DENND4A: variants seen among roughly 807,000 people sequenced by gnomAD.
DENND4A encodes the protein DENN domain containing 4A, also known as C-myc promoter-binding protein.
In DENND4A, 70 loss-of-function variants were observed where a neutral mutation model predicts 199.3. The observed-to-expected ratio is 0.35, with a 90% CI of 0.29 to 0.43. The LOEUF is 0.43. Ranked by LOEUF, DENND4A falls within the 20% of genes least tolerant of loss-of-function variation. The pLI is 1.00. For synonymous variants in DENND4A, 686 were observed against 766.9 expected (o/e 0.89, Z 1.74); for missense variants, 1,723 against 2,255.8 (o/e 0.76, Z 4.78).
chr15:65,774,868 C>CTTTTTT (rs397854207), intron 1 of DENND4A, among the ~76,000 whole-genome samples: 3 of 112,062 alleles, frequency 2.7e-5, no homozygotes, highest in Non-Finnish European at 3.6e-5. Flanking sequence ...CAAATGTTTA[C>CTTTTTT]TTTTTTTTTT....
intron 4 of DENND4A, among the ~76,000 whole-genome samples, chr15:65,744,098 T>C (rs2076325116): frequency 6.6e-6 from 1 of 152,030 alleles, no homozygotes; most frequent in Admixed American, 6.6e-5. Flanking sequence ...TATGAGAGTT[T>C]GAATAAGGGT....
intron 21 of DENND4A, chr15:65,696,850 G>T: frequency 3.2e-6 from 1 of 309,886 alleles, no homozygotes. Context: ...TGGGTAATGT[G>T]CTGATGTCGT....
chr15:65,786,918 G>T (rs2077580472), intron 1 of DENND4A, among the ~76,000 whole-genome samples: 1 of 152,024 alleles, frequency 6.6e-6, no homozygotes, highest in Non-Finnish European at 1.5e-5. Context: ...AGGTGAGGAG[G>T]ATAAAACTGG....
At chr15:65,779,493 T>A (rs187537722) in intron 1 of DENND4A, among the ~76,000 whole-genome samples, 10 of 151,944 alleles carry the variant, frequency 6.6e-5, no homozygotes, top group East Asian at 1.9e-4. Context: ...TTTTTTAGTT[T>A]GTTTGTTTGT....
At chr15:65,755,549 T>C (rs1011504280) in intron 3 of DENND4A, among the ~76,000 whole-genome samples, 1 of 152,152 alleles carries the variant, frequency 6.6e-6, no homozygotes, top group Non-Finnish European at 1.5e-5. Flanking sequence ...GAAAATCACT[T>C]GAGGCCAGGA....
Position 65,665,105 on chromosome 15 carries a change from C to T in DENND4A, c.5359+240G>A, listed in dbSNP as rs2075991656. 3 of 466,018 alleles carry T rather than the reference C, an allele frequency of 6.4e-6. 1 individual carries two copies. The highest frequency in any genetic ancestry group is 1.0e-4 in the South Asian group (2 of 19,184). The allele number at this position is 466,018 out of a possible 1,614,324, so 28.9% of individuals were successfully genotyped here. On this transcript the variant is annotated intron_variant, in intron 30 of 32. Coordinates refer to ENST00000443035, the MANE Select transcript of DENND4A (RefSeq NM_001320835.1). ...CAACCCCTCCAGCACATACACAGCA[C>T]CCCTCAAAAAACCAAACCAAAACAA...
intron 4 of DENND4A, among the ~76,000 whole-genome samples, chr15:65,749,953 A>G (rs1438320470): frequency 6.6e-6 from 1 of 152,252 alleles, no homozygotes; most frequent in Non-Finnish European, 1.5e-5. Context: ...GAAAATGCAC[A>G]GCATTAATCA....
chr15:65,703,130 T>C lies in DENND4A; in HGVS notation c.2088-122A>G, dbSNP rs532778978. ...TCTTCACATAGAATTTAACTATCTT[T>C]CTTTGTCAGGCTGTGATATACACTC... On this transcript the variant is annotated intron_variant, in intron 15 of 32. Transcript: ENST00000443035. 1.4e-5 allele frequency: 12 copies of C among 887,006 alleles called. No individual in the cohort carries two copies. The South Asian group carries it at 2.2e-4, about 17-fold the overall frequency. 54.9% of individuals were successfully genotyped at this position (887,006 alleles called of 1,614,324 possible).
intron 22 of DENND4A, 80 bp from the exon 23 acceptor site, chr15:65,691,591 G>C (rs1596450205): frequency 7.3e-7 from 1 of 1,374,410 alleles, no homozygotes; most frequent in East Asian, 2.5e-5. Context: ...AAATTCTAGT[G>C]ATGAAAATGA....
At chr15:65,695,336 T>G (rs1249711560) in intron 22 of DENND4A, among the ~76,000 whole-genome samples, 3 of 152,244 alleles carry the variant, frequency 2.0e-5, no homozygotes, top group South Asian at 2.1e-4. Flanking sequence ...AGCATGTCTG[T>G]GTTCCCAGAA....
At chr15:65,774,558 C>T (rs1475286342) in intron 1 of DENND4A, among the ~76,000 whole-genome samples, 1 of 151,634 alleles carries the variant, frequency 6.6e-6, no homozygotes, top group African/African-American at 2.4e-5. Context: ...ATCCCAGCTA[C>T]TTGGGAGGCT....
chr15:65,784,314 A>G (rs2077509997), intron 1 of DENND4A, among the ~76,000 whole-genome samples: 1 of 152,210 alleles, frequency 6.6e-6, no homozygotes, highest in South Asian at 2.1e-4. Flanking sequence ...TGGAACCAAA[A>G]AAGAACCTTA....
At position 65,706,495 on chromosome 15, in the gene DENND4A, CATAT is replaced by C. The variant is rs1286110775; in HGVS notation, c.1954-275_1954-272del. On this transcript the variant is annotated intron_variant, in intron 14 of 32. Transcript: ENST00000443035. ...ACACACACACACACACACACACACA[CATAT>C]ATATATATATTTTTTTTTGAGACAG... Among the ~76,000 whole-genome samples the C allele has an allele frequency of 2.3e-3, 199 of 88,346 alleles. 2 individuals are homozygous for C. The highest frequency in any genetic ancestry group is 7.8e-3 in the African/African-American group (148 of 19,040). The allele number at this position is 88,346 out of a possible 152,430, so 58.0% of individuals were successfully genotyped here. A position where few individuals can be genotyped will look rare whatever the true frequency, so the allele number is the denominator to read the frequency against.
chr15:65,727,802 A>C, intron 11 of DENND4A: 1 of 393,594 alleles, frequency 2.5e-6, no homozygotes, highest in Middle Eastern at 3.6e-4. Flanking sequence ...ATTTAAAATA[A>C]GGGACACAAA....
intron 4 of DENND4A, among the ~76,000 whole-genome samples, chr15:65,746,999 G>A (rs1267639605): frequency 1.3e-5 from 2 of 151,436 alleles, no homozygotes; most frequent in Non-Finnish European, 1.5e-5. Flanking sequence ...CCAGCTACTC[G>A]GGAGGTTGGG....
intron 2 of DENND4A, among the ~76,000 whole-genome samples, chr15:65,759,219 C>T (rs1354987839): frequency 1.3e-5 from 2 of 152,192 alleles, no homozygotes; most frequent in Non-Finnish European, 2.9e-5. Context: ...TGGCTCACGC[C>T]TGTAATCCCA....
chr15:65,735,135 C>G (rs1033293894), intron 7 of DENND4A, among the ~76,000 whole-genome samples: 11 of 151,696 alleles, frequency 7.3e-5, no homozygotes, highest in African/African-American at 2.4e-4. Flanking sequence ...CTCAGCACTT[C>G]GGGAGGCCAA....
chr15:65,779,778 T>C (rs957947708), intron 1 of DENND4A, among the ~76,000 whole-genome samples: 15 of 152,234 alleles, frequency 9.9e-5, no homozygotes, highest in African/African-American at 2.9e-4. Context: ...GTCTGCCAAG[T>C]AGCTGGGATT....
chr15:65,716,580 A>C (rs1158990276), intron 13 of DENND4A, among the ~76,000 whole-genome samples: 1 of 151,874 alleles, frequency 6.6e-6, no homozygotes, highest in Non-Finnish European at 1.5e-5. Context: ...TGAACTCATC[A>C]TTTTTTATGG....
Sources: allele counts gnomAD v4.1 joint callset (sites outside exome capture counted in the v4.1 genomes callset), GRCh38; gene constraint gnomAD v4.1.1; transcripts MANE v1.5; gene names NCBI Gene and HGNC (gene_info 2026-07-23, HGNC 2026-07-21).